ANK1: variants seen among roughly 807,000 people sequenced by gnomAD.
The protein encoded by ANK1 is ankyrin-1.
ANK1 carries 51 observed loss-of-function variants against 210.4 expected under a neutral mutation model. The ratio of observed to expected loss-of-function variants is 0.24; its 90% CI spans 0.19 to 0.31. ANK1 has a LOEUF of 0.31. Among genes scored for constraint, ANK1 ranks in the 10% least tolerant of loss-of-function variants. The pLI is 1.00. For synonymous variants in ANK1, 967 were observed against 1,025.9 expected (o/e 0.94, Z 1.10); for missense variants, 2,051 against 2,504.4 (o/e 0.82, Z 3.86).
chr8:41,735,681 C>T (rs907401766), intron 2 of ANK1, among the ~76,000 whole-genome samples: 8 of 152,176 alleles, frequency 5.3e-5, no homozygotes, highest in Non-Finnish European at 1.2e-4. Flanking sequence ...AAGTATTCTA[C>T]CTGGGAGTGG....
chr8:41,689,567 A>G (rs979354179), intron 33 of ANK1, among the ~76,000 whole-genome samples: 5 of 152,222 alleles, frequency 3.3e-5, no homozygotes, highest in Admixed American at 1.3e-4. Flanking sequence ...TAAAACAACA[A>G]CAGCAGCAAA....
At chr8:41,872,634 G>C (rs1417809422) in intron 1 of ANK1, among the ~76,000 whole-genome samples, 3 of 152,194 alleles carry the variant, frequency 2.0e-5, no homozygotes, top group Non-Finnish European at 4.4e-5. Context: ...AGCTTCCCTA[G>C]GATGTGCCCC....
At chr8:41,663,114 C>CTG (rs56138651) in intron 40 of ANK1, among the ~76,000 whole-genome samples, 5,092 of 145,162 alleles carry the variant, frequency 0.035, 194 homozygotes, top group African/African-American at 0.095. Flanking sequence ...CTCTCTCTCT[C>CTG]TGTGTGTGTG....
intron 1 of ANK1, among the ~76,000 whole-genome samples, chr8:41,879,659 G>A (rs765115162): frequency 1.3e-5 from 2 of 152,086 alleles, no homozygotes; most frequent in African/African-American, 4.8e-5. Context: ...TCATCCAGCC[G>A]TCCTGCTGGC....
At chr8:41,719,560 G>A (rs775990021) in intron 10 of ANK1, 101 bp downstream of exon 10, 88 of 1,498,022 alleles carry the variant, frequency 5.9e-5, no homozygotes, top group Middle Eastern at 4.6e-4. Context: ...GGGGAGCTCC[G>A]GGCACCTGCC....
At chr8:41,811,721 A>C (rs1802529762) in intron 1 of ANK1, among the ~76,000 whole-genome samples, 1 of 152,248 alleles carries the variant, frequency 6.6e-6, no homozygotes, top group Non-Finnish European at 1.5e-5. Flanking sequence ...TGTCCACCTG[A>C]CAGGGATGCT....
Position 41,715,046 on chromosome 8 carries a change from G to T in ANK1, c.1631C>A (p.Ala544Asp). 1 of 1,614,108 alleles carries T rather than the reference G, an allele frequency of 6.2e-7. No homozygotes were observed. Among genetic ancestry groups the T allele is most frequent in the Non-Finnish European group, 8.5e-7 (1 of 1,180,002 alleles). ...TGCCACCCGCACCTTCCCGTACTTGGCCGCCACGTGCAGAGGGGTAAATCC... is the reference window on the plus strand; with the variant it reads ...TGCCACCCGCACCTTCCCGTACTTGTCCGCCACGTGCAGAGGGGTAAATCC... ...KKGFTPLHVA[A>D]KYGKVRVAEL... Residue 544 changes from alanine to aspartate, a missense_variant, in exon 15 of 43, where the codon GCC (alanine) becomes GAC (aspartate). This residue lies in a region of ANK1 where 1,413 missense variants were observed against 1,707.4 expected (regional missense o/e 0.83). Transcript: ENST00000289734.
intron 1 of ANK1, among the ~76,000 whole-genome samples, chr8:41,786,370 A>G (rs1054053435): frequency 2.0e-5 from 3 of 152,216 alleles, no homozygotes; most frequent in Non-Finnish European, 4.4e-5. Flanking sequence ...CACAGTCATA[A>G]TGCCCCTGAG....
intron 1 of ANK1, among the ~76,000 whole-genome samples, chr8:41,895,487 C>T (rs1820303737): frequency 6.6e-6 from 1 of 152,076 alleles, no homozygotes; most frequent in Non-Finnish European, 1.5e-5. Flanking sequence ...TAAGAGGACC[C>T]CAGACCCCAA....
At chr8:41,662,621 G>A (rs1422391060) in intron 40 of ANK1, among the ~76,000 whole-genome samples, 1 of 152,182 alleles carries the variant, frequency 6.6e-6, no homozygotes, top group Non-Finnish European at 1.5e-5. Context: ...GTATTCACCT[G>A]TCCAAATCTT....
At position 41,709,025 on chromosome 8, in the gene ANK1, A is replaced by T. The variant is rs149040283; in HGVS notation, c.1801-50T>A. Reference sequence around the variant, plus strand: ...GCCTGGTTACAGGAATGCTGAGCTGACAATATCAACACACAAGCAGGGGCT... The same window carrying T: ...GCCTGGTTACAGGAATGCTGAGCTGTCAATATCAACACACAAGCAGGGGCT... On this transcript the variant is annotated intron_variant, in intron 16 of 42. Transcript: ENST00000289734. 1.2e-3 allele frequency: 1,992 copies of T among 1,607,338 alleles called. 5 individuals carry two copies. The African/African-American group carries it at 0.013, about 10-fold the overall frequency.
At chr8:41,728,258 G>A (rs1831232943) in intron 3 of ANK1, among the ~76,000 whole-genome samples, 1 of 152,154 alleles carries the variant, frequency 6.6e-6, no homozygotes, top group Admixed American at 6.5e-5. Context: ...AAGGAAATCA[G>A]GTCTTCCGTA....
intron 1 of ANK1, among the ~76,000 whole-genome samples, chr8:41,772,019 A>C (rs774847118): frequency 1.3e-5 from 2 of 152,148 alleles, no homozygotes; most frequent in African/African-American, 4.8e-5. Context: ...GCTGCTTCAA[A>C]TGGTGGCCAG....
chr8:41,711,792 C>A (rs1291854090), intron 16 of ANK1, among the ~76,000 whole-genome samples: 2 of 152,188 alleles, frequency 1.3e-5, no homozygotes, highest in African/African-American at 4.8e-5. Flanking sequence ...CCGCCTCAGA[C>A]ACACTTTCTC....
chr8:41,884,582 C>A (rs1451678835), intron 1 of ANK1, among the ~76,000 whole-genome samples: 2 of 151,958 alleles, frequency 1.3e-5, no homozygotes, highest in South Asian at 4.1e-4. Context: ...CATCTGTAAT[C>A]CCAGAGCTTT....
intron 1 of ANK1, among the ~76,000 whole-genome samples, chr8:41,772,298 T>G (rs1401676650): frequency 6.6e-6 from 1 of 152,236 alleles, no homozygotes; most frequent in African/African-American, 2.4e-5. Context: ...TTCTGAGCAT[T>G]GATTTCTTCA....
intron 1 of ANK1, among the ~76,000 whole-genome samples, chr8:41,868,164 C>T (rs985514854): frequency 3.9e-5 from 6 of 152,232 alleles, no homozygotes; most frequent in Non-Finnish European, 5.9e-5. Context: ...CAGCCTGAAG[C>T]AGGTTTTAAT....
intron 37 of ANK1, among the ~76,000 whole-genome samples, chr8:41,683,193 T>C (rs2150576295): frequency 6.6e-6 from 1 of 152,304 alleles, no homozygotes; most frequent in East Asian, 1.9e-4. Context: ...GACATGCATG[T>C]GGACGTGGCC....
intron 39 of ANK1, chr8:41,665,791 C>T (rs1810321585): frequency 6.3e-6 from 1 of 159,472 alleles, no homozygotes; most frequent in Admixed American, 6.0e-5. Flanking sequence ...GCCCACAGGC[C>T]CTTGCACCCT....
Sources: allele counts gnomAD v4.1 joint callset (sites outside exome capture counted in the v4.1 genomes callset), GRCh38; gene constraint gnomAD v4.1.1; regional missense constraint gnomAD v4.1.1; transcripts MANE v1.5; gene names NCBI Gene and HGNC (gene_info 2026-07-23, HGNC 2026-07-21).